SPAG16: variants seen among roughly 807,000 people sequenced by gnomAD.
The protein encoded by SPAG16 is sperm-associated antigen 16 protein.
SPAG16 carries 86 observed loss-of-function variants against 80.4 expected under a neutral mutation model. The observed-to-expected ratio is 1.07, with a 90% CI of 0.90 to 1.28. SPAG16 has a LOEUF of 1.28. SPAG16 is among the 50% of genes most tolerant of loss of function. SPAG16 has a pLI of 0.00. For synonymous variants in SPAG16, 294 were observed against 265.9 expected (o/e 1.11, Z -1.03); for missense variants, 870 against 765.3 (o/e 1.14, Z -1.61).
At chr2:213,285,851 C>T (rs1228347047) in intron 1 of SPAG16, 2 of 1,277,630 alleles carry the variant, frequency 1.6e-6, no homozygotes, top group South Asian at 1.2e-5. Flanking sequence ...CAGTGATATT[C>T]CTCTTTAACA....
At position 213,667,643 on chromosome 2, in the gene SPAG16, A is replaced by C. The variant is rs2063657522; in HGVS notation, c.1070+177553A>C. On this transcript the variant is annotated intron_variant, in intron 10 of 15. Coordinates refer to ENST00000331683, the MANE Select transcript of SPAG16 (RefSeq NM_024532.5). Reference sequence around the variant, plus strand: ...TGATTTAGCAAGGACATAGTTATTGACCACATTAGATATCATCTGATTATA... The same window carrying C: ...TGATTTAGCAAGGACATAGTTATTGCCCACATTAGATATCATCTGATTATA... 2.0e-5 allele frequency among the ~76,000 whole-genome samples: 3 copies of C among 152,206 alleles called. No individual in the cohort carries two copies. The South Asian group carries it at 6.2e-4, about 31-fold the overall frequency.
chr2:213,849,451 T>TATACTTTTTATCA, intron 10 of SPAG16, among the ~76,000 whole-genome samples: 1 of 152,306 alleles, frequency 6.6e-6, no homozygotes, highest in East Asian at 1.9e-4. Flanking sequence ...AGTGCTGAAG[T>TATACTTTTTATCA]TTGATGAGTA....
At chr2:214,203,292 T>C (rs2058059589) in intron 15 of SPAG16, among the ~76,000 whole-genome samples, 1 of 152,138 alleles carries the variant, frequency 6.6e-6, no homozygotes, top group African/African-American at 2.4e-5. Context: ...GCATTTAAGT[T>C]GAAGGGGGGA....
chr2:213,443,054 A>G (rs958279558), intron 9 of SPAG16, among the ~76,000 whole-genome samples: 2 of 152,216 alleles, frequency 1.3e-5, no homozygotes, highest in African/African-American at 4.8e-5. Context: ...GAAGTTGTAT[A>G]TATTTAAGGT....
intron 10 of SPAG16, among the ~76,000 whole-genome samples, chr2:213,505,414 C>T (rs1413219138): frequency 2.6e-5 from 4 of 151,906 alleles, no homozygotes; most frequent in Non-Finnish European, 5.9e-5. Context: ...CTCTACCATA[C>T]AAATGTATGT....
chr2:213,705,271 AGAGGGAGGGAGGAAGG>A (rs1470110144), intron 10 of SPAG16, among the ~76,000 whole-genome samples: 3 of 149,326 alleles, frequency 2.0e-5, no homozygotes, highest in Non-Finnish European at 3.0e-5. Context: ...AAAGAGAGAG[AGAGGGAGGGAGGAAGG>A]GAGGGAGGGA....
intron 15 of SPAG16, among the ~76,000 whole-genome samples, chr2:214,201,809 C>CT (rs1348575445): frequency 1.3e-5 from 2 of 151,922 alleles, no homozygotes; most frequent in African/African-American, 4.8e-5. Flanking sequence ...AATCACATTT[C>CT]TTTCTTTTCT....
At chr2:213,348,604 C>A (rs1411938789) in intron 6 of SPAG16, among the ~76,000 whole-genome samples, 1 of 152,100 alleles carries the variant, frequency 6.6e-6, no homozygotes, top group Admixed American at 6.6e-5. Flanking sequence ...ATTTGCTTGT[C>A]TGTAAAGGAT....
At chr2:214,020,979 T>C (rs950098734) in intron 13 of SPAG16, among the ~76,000 whole-genome samples, 1 of 152,154 alleles carries the variant, frequency 6.6e-6, no homozygotes, top group Non-Finnish European at 1.5e-5. Context: ...GCCTTTTTTG[T>C]TTATTGTTAA....
chr2:214,342,524 C>A (rs753128056), intron 15 of SPAG16, among the ~76,000 whole-genome samples: 25 of 152,112 alleles, frequency 1.6e-4, no homozygotes, highest in Non-Finnish European at 2.9e-4. Flanking sequence ...TGATCTGTCA[C>A]TGTCTCCCAT....
rs1293971364 is a variant in SPAG16, at chr2:213,340,165, A to G, written c.539A>G (p.Lys180Arg). 1.3e-6 allele frequency: 2 copies of G among 1,598,156 alleles called. No individual in the cohort carries two copies. The highest frequency in any genetic ancestry group is 8.5e-7 in the Non-Finnish European group (1 of 1,173,292). ...TAAAGTTACTATTTTTTTTTCAGCA[A>G]AGCTAGAGAAGATTTGCTGAAAATT... is the stretch of plus-strand genomic sequence containing the variant. The part of the protein sequence containing the change: ...DLKHYKQAAD[K>R]AREDLLKIQK... Residue 180 changes from lysine to arginine, a missense_variant and splice_region_variant, in exon 6 of 16, where the codon AAA (lysine) becomes AGA (arginine). Physicochemically the swap from Lys to Arg is conservative, Grantham distance 26. Transcript: ENST00000331683.
chr2:213,385,549 A>G (rs1170808372), intron 9 of SPAG16, among the ~76,000 whole-genome samples: 2 of 152,034 alleles, frequency 1.3e-5, no homozygotes, highest in African/African-American at 4.8e-5. Context: ...TACTTACCTG[A>G]ATAGGTTTTA....
intron 11 of SPAG16, among the ~76,000 whole-genome samples, chr2:213,880,401 G>T (rs1180587531): frequency 6.6e-6 from 1 of 152,088 alleles, no homozygotes; most frequent in Admixed American, 6.6e-5. Flanking sequence ...CATTGTTTGA[G>T]AATATTTTCT....
intron 14 of SPAG16, among the ~76,000 whole-genome samples, chr2:214,115,403 A>G (rs887497027): frequency 6.6e-6 from 1 of 152,240 alleles, no homozygotes; most frequent in African/African-American, 2.4e-5. Flanking sequence ...GCCTTTAGGG[A>G]TAGACATTCA....
chr2:214,011,690 G>GT (rs1227105379), intron 12 of SPAG16, among the ~76,000 whole-genome samples: 1 of 152,134 alleles, frequency 6.6e-6, no homozygotes, highest in Admixed American at 6.5e-5. Flanking sequence ...CAGCCTATCT[G>GT]TGAAATACTG....
intron 15 of SPAG16, among the ~76,000 whole-genome samples, chr2:214,204,355 T>A (rs770777272): frequency 1.3e-4 from 20 of 152,214 alleles, no homozygotes; most frequent in Non-Finnish European, 2.9e-4. Flanking sequence ...CACCACCTTC[T>A]GGCTGAAAGC....
At chr2:214,345,799 C>T (rs1397206715) in intron 15 of SPAG16, among the ~76,000 whole-genome samples, 1 of 152,106 alleles carries the variant, frequency 6.6e-6, no homozygotes, top group East Asian at 1.9e-4. Context: ...GAACTGTAAA[C>T]AAATAAAAGC....
intron 11 of SPAG16, among the ~76,000 whole-genome samples, chr2:213,915,871 G>A (rs1319715173): frequency 6.6e-6 from 1 of 152,168 alleles, no homozygotes; most frequent in Non-Finnish European, 1.5e-5. Context: ...CTAATGACCA[G>A]TGATGACGAG....
chr2:213,840,962 TTAAC>T (rs1294780993), intron 10 of SPAG16, among the ~76,000 whole-genome samples: 1 of 152,302 alleles, frequency 6.6e-6, no homozygotes, highest in East Asian at 1.9e-4. Flanking sequence ...TTGTAGGTCT[TTAAC>T]TATTTCTCCA....
Sources: allele counts gnomAD v4.1 joint callset (sites outside exome capture counted in the v4.1 genomes callset), GRCh38; gene constraint gnomAD v4.1.1; transcripts MANE v1.5; gene names NCBI Gene and HGNC (gene_info 2026-07-23, HGNC 2026-07-21).